The following KIAA0930 variants were observed in gnomAD, a reference collection of about 807,000 sequenced individuals.
KIAA0930 encodes uncharacterized protein KIAA0930.
In KIAA0930, 24 loss-of-function variants were observed where a neutral mutation model predicts 43.9. The observed-to-expected ratio is 0.55, with a 90% confidence interval of 0.40 to 0.77. The LOEUF is 0.77. KIAA0930 is among the 30% of genes least tolerant of loss of function. KIAA0930 has a pLI of 0.00. For synonymous variants in KIAA0930, 259 were observed against 216.4 expected (o/e 1.20, Z -1.73); for missense variants, 461 against 574.2 (o/e 0.80, Z 2.02).
chr22:45,210,074 C>T (rs2083679234), intron 2 of KIAA0930, among the ~76,000 whole-genome samples: 1 of 152,342 alleles, frequency 6.6e-6, no homozygotes, highest in East Asian at 1.9e-4. Flanking sequence ...CCTGTCTGCC[C>T]TCTTGACCAG....
chr22:45,226,598 A>G (rs2083802530), intron 1 of KIAA0930, among the ~76,000 whole-genome samples: 1 of 151,846 alleles, frequency 6.6e-6, no homozygotes, highest in Non-Finnish European at 1.5e-5. Flanking sequence ...CACAATCATC[A>G]AGCTGAAACA....
chr22:45,236,559 C>T (rs115904291), intron 1 of KIAA0930, among the ~76,000 whole-genome samples: 1,858 of 152,216 alleles, frequency 0.012, 47 homozygotes, highest in East Asian at 0.11. Flanking sequence ...GGGGTCCTGC[C>T]TCCATCCACT....
In KIAA0930 at chr22:45,197,171, C is replaced by CG. The variant is rs1432461545; in HGVS notation, c.*4dup. On this transcript the variant is annotated 3_prime_UTR_variant, in exon 10 of 10. Transcript: ENST00000336156. The stretch of plus-strand genomic sequence containing the variant: ...GCCGGGGCTCTGCGCAGGCTCCGCA[C>CG]GCGGCTAGGTCATCAGGATGGGCTT... The CG allele has an allele frequency of 1.9e-6, 3 of 1,547,588 alleles. No individual in the cohort carries two copies. Among genetic ancestry groups the CG allele is most frequent in the African/African-American group, 2.7e-5 (2 of 72,770 alleles).
intron 1 of KIAA0930, among the ~76,000 whole-genome samples, chr22:45,234,862 GAGA>G (rs1245251514): frequency 3.9e-5 from 6 of 152,200 alleles, no homozygotes; most frequent in Admixed American, 1.3e-4. Context: ...AACCTGCATA[GAGA>G]AGATCAAGTA....
At chr22:45,239,585 G>A (rs578014320) in intron 1 of KIAA0930, among the ~76,000 whole-genome samples, 2 of 152,296 alleles carry the variant, frequency 1.3e-5, no homozygotes, top group African/African-American at 4.8e-5. Flanking sequence ...CCAGGGTGTG[G>A]CCTGCTGAGG....
chr22:45,217,680 G>C (rs2083742171), intron 1 of KIAA0930, among the ~76,000 whole-genome samples: 1 of 152,188 alleles, frequency 6.6e-6, no homozygotes, highest in African/African-American at 2.4e-5. Flanking sequence ...TGTCAGGTAA[G>C]GAATTTTTCG....
At position 45,219,582 on chromosome 22, in the gene KIAA0930, GTTT is replaced by G. The variant is rs535482000; in HGVS notation, c.65-7478_65-7476del. Among the ~76,000 whole-genome samples the G allele has an allele frequency of 3.3e-3, 201 of 61,188 alleles. 2 individuals are homozygous for G. The East Asian group carries it at 0.062, about 19-fold the overall frequency. The allele number at this position is 61,188 out of a possible 152,430, so 40.1% of individuals were successfully genotyped here. On this transcript the variant is annotated intron_variant, in intron 1 of 9. Coordinates refer to ENST00000336156, the MANE Select transcript of KIAA0930 (RefSeq NM_001009880.2). ...TAACACAGCAGGCCAAGAGGTGATT[GTTT>G]TTTTTTTTTTTTTTTTTTTTTTTTT...
intron 2 of KIAA0930, among the ~76,000 whole-genome samples, chr22:45,206,218 T>C (rs1317929159): frequency 6.6e-6 from 1 of 152,154 alleles, no homozygotes; most frequent in East Asian, 1.9e-4. Flanking sequence ...CGTTTCGCCA[T>C]GTTGTCCAGG....
chr22:45,204,681 G>A (rs1045560572), intron 5 of KIAA0930, among the ~76,000 whole-genome samples: 1 of 151,870 alleles, frequency 6.6e-6, no homozygotes, highest in Non-Finnish European at 1.5e-5. Context: ...GGGCAGAGCA[G>A]GGAGTGAGCT....
At position 45,212,007 on chromosome 22, in the gene KIAA0930, C is replaced by T. The variant is rs532176854; in HGVS notation, c.165G>A (p.Val55=). 1.1e-5 allele frequency: 17 copies of T among 1,613,702 alleles called. No individual in the cohort carries two copies. In the Admixed American group the frequency reaches 2.5e-4, roughly 24 times the overall value. The change falls in exon 2 of 10, where the codon GTG becomes GTA. Residue 55 remains valine (V), a synonymous_variant. Coordinates refer to ENST00000336156, the MANE Select transcript of KIAA0930 (RefSeq NM_001009880.2). ...TGCCGGAGTACGCCAGCTTCCGGCG[C>T]ACATAGAAAAGCATGTCGTCCTGCC... is the stretch of plus-strand genomic sequence containing the variant. The part of the protein sequence containing the change: ...APRQDDMLFY[V]RRKLAYSGSE...
At chr22:45,212,618 C>T (rs1048899892) in intron 1 of KIAA0930, 5 of 1,292,410 alleles carry the variant, frequency 3.9e-6, no homozygotes, top group Middle Eastern at 2.9e-4. Context: ...AAGCGGGAAC[C>T]GCAGGGAGAC....
intron 1 of KIAA0930, among the ~76,000 whole-genome samples, chr22:45,224,753 G>C (rs112931423): frequency 5.3e-5 from 8 of 152,150 alleles, no homozygotes; most frequent in Admixed American, 1.3e-4. Flanking sequence ...AAAGGTGGAC[G>C]GCATTCAACG....
At chr22:45,211,444 GT>G in intron 2 of KIAA0930, 2 of 400,328 alleles carry the variant, frequency 5.0e-6, no homozygotes, top group Admixed American at 4.3e-5. Context: ...TGTAAAAGGG[GT>G]AAGAACACCC....
chr22:45,200,288 A>C, intron 7 of KIAA0930: 3 of 419,570 alleles, frequency 7.2e-6, no homozygotes, highest in Admixed American at 4.2e-5. Context: ...GCTGCCGCAA[A>C]TGGCAGAAAG....
intron 1 of KIAA0930, among the ~76,000 whole-genome samples, chr22:45,235,842 G>A (rs189647192): frequency 2.6e-5 from 4 of 152,314 alleles, no homozygotes; most frequent in African/African-American, 9.6e-5. Context: ...CTTAGCCAGG[G>A]CTCACAGTCT....
chr22:45,221,607 A>C (rs545982752), intron 1 of KIAA0930, among the ~76,000 whole-genome samples: 11 of 152,356 alleles, frequency 7.2e-5, no homozygotes, highest in African/African-American at 2.4e-4. Flanking sequence ...AATATGTGCT[A>C]ATTGAATAAA....
chr22:45,219,932 A>T lies in KIAA0930; in HGVS notation c.65-7825T>A, dbSNP rs118109478. On this transcript the variant is annotated intron_variant, in intron 1 of 9. Coordinates refer to ENST00000336156, the MANE Select transcript of KIAA0930 (RefSeq NM_001009880.2). ...AAGGCAATCCTATCAGATTTTCAGGAAACAGACAGCTAGCTTCAGGGCTAC... is the reference window on the plus strand; with the variant it reads ...AAGGCAATCCTATCAGATTTTCAGGTAACAGACAGCTAGCTTCAGGGCTAC... Among the ~76,000 whole-genome samples, 488 of 152,216 alleles carry T rather than the reference A, an allele frequency of 3.2e-3. 13 individuals carry two copies. In the East Asian group the frequency reaches 0.064, roughly 20 times the overall value.
chr22:45,212,727 T>C (rs2083706074), intron 1 of KIAA0930, among the ~76,000 whole-genome samples: 1 of 152,272 alleles, frequency 6.6e-6, no homozygotes, highest in Admixed American at 6.5e-5. Flanking sequence ...TTCTTTATGA[T>C]AAATATTTGT....
At chr22:45,203,220 G>A (rs751242300) in intron 6 of KIAA0930, 36 bp from the exon 7 acceptor site, 6 of 1,552,880 alleles carry the variant, frequency 3.9e-6, no homozygotes, top group Non-Finnish European at 5.2e-6. Context: ...AGTCAGGGAG[G>A]TGGCGATGGC....
Sources: gnomAD v4.1 joint callset for allele counts (sites outside exome capture counted in the v4.1 genomes callset) on GRCh38, gnomAD v4.1.1 for gene constraint, MANE v1.5 for transcripts, NCBI Gene and HGNC (gene_info 2026-07-23, HGNC 2026-07-21) for gene names.